The following ANLN variants were observed in gnomAD, a reference collection of about 807,000 sequenced individuals.
The protein encoded by ANLN is anillin, actin binding protein.
ANLN carries 59 observed loss-of-function variants against 135.1 expected under a neutral mutation model. The observed-to-expected ratio is 0.44, with a 90% CI of 0.35 to 0.54. The LOEUF (loss-of-function observed/expected upper bound fraction) is 0.54, where lower values mean the gene tolerates loss of function less well. ANLN is among the 20% of genes least tolerant of loss of function. ANLN has a pLI of 0.00. For synonymous variants in ANLN, 406 were observed against 456.4 expected (o/e 0.89, Z 1.41); for missense variants, 1,182 against 1,340.0 (o/e 0.88, Z 1.84).
At chr7:36,421,184 C>T (rs1787861080) in intron 12 of ANLN, among the ~76,000 whole-genome samples, 2 of 151,928 alleles carry the variant, frequency 1.3e-5, no homozygotes, top group Admixed American at 6.6e-5. Flanking sequence ...TCTCCTGCCT[C>T]AGCCTCCCAA....
At position 36,453,612 on chromosome 7, in the gene ANLN, A is replaced by C. The variant is rs1230240795; in HGVS notation, c.*1012A>C. The C allele has an allele frequency of 6.6e-6, 1 of 152,446 alleles. No homozygotes were observed. Among genetic ancestry groups the C allele is most frequent in the Non-Finnish European group, 1.5e-5 (1 of 68,030 alleles). The allele number at this position is 152,446 out of a possible 1,614,324, so 9.4% of individuals were successfully genotyped here. ...AAGCAGGGTCTCAACTTTTAAATAC[A>C]CTTTGAACTTCTTCTCTGAATTATT... On this transcript the variant is annotated 3_prime_UTR_variant, in exon 24 of 24. Coordinates refer to ENST00000265748, the MANE Select transcript of ANLN (RefSeq NM_018685.5).
intron 20 of ANLN, among the ~76,000 whole-genome samples, chr7:36,438,606 G>A (rs961921754): frequency 3.3e-5 from 5 of 152,144 alleles, no homozygotes; most frequent in Middle Eastern, 3.4e-3. Context: ...TCCTGGGTTC[G>A]AGTGATCCTC....
chr7:36,417,394 A>C (rs909433244), intron 9 of ANLN, among the ~76,000 whole-genome samples: 2 of 152,168 alleles, frequency 1.3e-5, no homozygotes, highest in African/African-American at 4.8e-5. Flanking sequence ...ACCCTCACTG[A>C]CTTTGACAGG....
At chr7:36,399,478 A>T (rs747994892) in intron 3 of ANLN, 85 bp downstream of exon 3, 6 of 1,202,776 alleles carry the variant, frequency 5.0e-6, no homozygotes, top group Non-Finnish European at 6.9e-6. Flanking sequence ...CAGTTAACTC[A>T]TGAAAAATAA....
chr7:36,420,824 T>G, intron 12 of ANLN, 80 bp downstream of exon 12: 1 of 1,480,544 alleles, frequency 6.8e-7, no homozygotes, highest in Non-Finnish European at 9.3e-7. Context: ...GGGCCCAGCC[T>G]TACTTATCTC....
At chr7:36,411,228 A>G (rs1053354108) in intron 7 of ANLN, 62 bp downstream of exon 7, 3 of 1,327,142 alleles carry the variant, frequency 2.3e-6, no homozygotes, top group Non-Finnish European at 3.1e-6. Flanking sequence ...TCTAATTTGT[A>G]GTTCTGTATT....
chr7:36,404,302 G>C (rs1324214554), intron 3 of ANLN, among the ~76,000 whole-genome samples: 1 of 152,160 alleles, frequency 6.6e-6, no homozygotes, highest in Non-Finnish European at 1.5e-5. Context: ...AGAGAGACTT[G>C]AGCATCCAGT....
intron 3 of ANLN, among the ~76,000 whole-genome samples, chr7:36,399,651 T>C (rs916008897): frequency 2.6e-5 from 4 of 152,188 alleles, no homozygotes; most frequent in Non-Finnish European, 5.9e-5. Context: ...ATATCTGCAA[T>C]GAAAAACACT....
Position 36,421,898 on chromosome 7 carries a change from T to C in ANLN, c.2205T>C (p.Tyr735=). The C allele has an allele frequency of 6.2e-7, 1 of 1,613,530 alleles. No homozygotes were observed. Among genetic ancestry groups the C allele is most frequent in the Non-Finnish European group, 8.5e-7 (1 of 1,179,696 alleles). Residue 735 remains tyrosine, a synonymous_variant, in exon 13 of 24, where the codon TAT becomes TAC. Transcript: ENST00000265748. Reference sequence around the variant, plus strand: ...TAAATATGCAACAGACAGTGATCTATCAAGCTAGCCAGGCTCTTAACTGCT... The same window carrying C: ...TAAATATGCAACAGACAGTGATCTACCAAGCTAGCCAGGCTCTTAACTGCT... ...NEINMQQTVI[Y]QASQALNCCV... is the part of the protein sequence containing the mutation.
At chr7:36,439,125 TCATGATTTATA>T in intron 20 of ANLN, 68 bp from the exon 21 acceptor site, 1 of 860,536 alleles carries the variant, frequency 1.2e-6, no homozygotes, top group Non-Finnish European at 1.9e-6. Flanking sequence ...TAGTCTCTGT[TCATGATTTATA>T]CATGATTTAT....
chr7:36,407,684 A>G (rs770731806), intron 4 of ANLN, 50 bp from the exon 5 acceptor site: 3 of 1,359,044 alleles, frequency 2.2e-6, no homozygotes, highest in Non-Finnish European at 2.1e-6. Context: ...TTATAGGACT[A>G]TTTTTAGATA....
At chr7:36,447,913 G>C (rs922225167) in intron 22 of ANLN, among the ~76,000 whole-genome samples, 7 of 152,126 alleles carry the variant, frequency 4.6e-5, no homozygotes, top group Admixed American at 2.6e-4. Flanking sequence ...GGGGGCTACT[G>C]TATGACTATT....
intron 7 of ANLN, among the ~76,000 whole-genome samples, chr7:36,414,039 G>A (rs1787538885): frequency 6.6e-6 from 1 of 151,924 alleles, no homozygotes; most frequent in African/African-American, 2.4e-5. Flanking sequence ...GAAAACTTTC[G>A]AGAAGGAAGG....
At chr7:36,390,074 T>C in intron 1 of ANLN, 30 bp downstream of exon 1, 2 of 1,613,208 alleles carry the variant, frequency 1.2e-6, no homozygotes, top group Non-Finnish European at 1.7e-6. Flanking sequence ...CAGCCAGCCA[T>C]GACCCACCGC....
At chr7:36,424,447 C>A in intron 15 of ANLN, 98 bp from the exon 16 acceptor site, 2 of 969,690 alleles carry the variant, frequency 2.1e-6, no homozygotes, top group South Asian at 2.0e-5. Flanking sequence ...ATAGTGGATT[C>A]CTTTACTTAG....
intron 21 of ANLN, among the ~76,000 whole-genome samples, chr7:36,440,079 G>T (rs537399728): frequency 6.6e-6 from 1 of 152,312 alleles, no homozygotes; most frequent in Admixed American, 6.5e-5. Context: ...AGTTTTACGT[G>T]ATTTGAATTT....
intron 15 of ANLN, among the ~76,000 whole-genome samples, 182 bp from the exon 16 acceptor site, chr7:36,424,363 C>G (rs1787996248): frequency 6.6e-6 from 1 of 151,858 alleles, no homozygotes; most frequent in Admixed American, 6.6e-5. Flanking sequence ...TTGTAAAACA[C>G]GGAGGAAAAT....
At chr7:36,438,068 C>T (rs1235788578) in intron 20 of ANLN, among the ~76,000 whole-genome samples, 6 of 152,294 alleles carry the variant, frequency 3.9e-5, no homozygotes, top group Admixed American at 2.0e-4. Context: ...GGATTACAGG[C>T]GTGAGCCACC....
chr7:36,414,337 G>T (rs1234140574), intron 7 of ANLN, among the ~76,000 whole-genome samples: 1 of 152,216 alleles, frequency 6.6e-6, no homozygotes, highest in Admixed American at 6.5e-5. Context: ...GTCAATTTGT[G>T]TGATGGGATA....
Sources: gnomAD v4.1 joint callset for allele counts (sites outside exome capture counted in the v4.1 genomes callset) on GRCh38, gnomAD v4.1.1 for gene constraint, MANE v1.5 for transcripts, NCBI Gene and HGNC (gene_info 2026-07-23, HGNC 2026-07-21) for gene names.